The following DUSP9 variants were observed in gnomAD, a reference collection of about 807,000 sequenced individuals.
DUSP9 encodes dual specificity phosphatase 9, also known as dual specificity protein phosphatase 9.
DUSP9 carries 4 observed loss-of-function variants against 13.2 expected under a neutral mutation model. The ratio of observed to expected loss-of-function variants is 0.30; its 90% CI spans 0.15 to 0.69. The LOEUF (loss-of-function observed/expected upper bound fraction) is 0.69. DUSP9 is among the 30% of genes least tolerant of loss of function. DUSP9 has a pLI of 0.73. For synonymous variants in DUSP9, 166 were observed against 172.3 expected (o/e 0.96, Z 0.29); for missense variants, 263 against 355.0 (o/e 0.74, Z 2.08).
rs782675817 is a variant in DUSP9 at position 153,650,093 on chromosome X, G to A, written c.943G>A (p.Asp315Asn). ...LMQKLHLSLNDAYDLVKRKKS... is the reference protein window; with the variant it reads ...LMQKLHLSLNNAYDLVKRKKS... The stretch of plus-strand genomic sequence containing the variant: ...GCAGAAGCTCCACCTCTCTCTCAAC[G>A]ATGCCTATGACCTGGTCAAGAGGAA... The change falls in exon 4 of 4, where the codon GAT becomes AAT. Residue 315 changes from aspartate (D) to asparagine (N), a missense_variant. Transcript: ENST00000342782. The A allele has an allele frequency of 9.9e-6, 12 of 1,210,167 alleles. No individual in the cohort carries two copies. Among genetic ancestry groups the A allele is most frequent in the South Asian group, 1.8e-5 (1 of 56,880 alleles).
Position 153,650,183 on chromosome X carries a change from C to T in DUSP9, c.1033C>T (p.Arg345Trp), listed in dbSNP as rs1557036295. The change falls in exon 4 of 4, where the codon CGG becomes TGG. Residue 345 changes from arginine to tryptophan, a missense_variant. Arg to Trp is a moderately radical substitution (Grantham distance 101, BLOSUM62 -3). Transcript: ENST00000342782. The stretch of plus-strand genomic sequence containing the variant: ...GTTGCTGGACTTTGAGCGCAGCTTG[C>T]GGCTGGAGGAGCGCCACTCGCAGGA... ...GQLLDFERSL[R>W]LEERHSQEQG... The T allele has an allele frequency of 8.2e-7, 1 of 1,212,253 alleles. No individual in the cohort carries two copies.
rs782558274 is a variant in DUSP9, at chrX:153,649,424, C to T, written c.566C>T (p.Ser189Leu). ...DRDSMSCGLDSEGATPPPVGL... is the reference protein window; with the variant it reads ...DRDSMSCGLDLEGATPPPVGL... ...GACTCCATGAGCTGTGGCCTGGATT[C>T]GGAGGGTGCCACACCCCCACCAGTG... The change falls in exon 3 of 4, where the codon TCG becomes TTG. Residue 189 changes from serine (S) to leucine (L), a missense_variant. Transcript: ENST00000342782. 3.8e-5 allele frequency: 46 copies of T among 1,210,092 alleles called. No individual in the cohort carries two copies. Among genetic ancestry groups the T allele is most frequent in the Middle Eastern group, 4.6e-4 (2 of 4,373 alleles).
upstream of DUSP9, among the ~76,000 whole-genome samples, chrX:153,645,223 G>A (rs1254527521): frequency 1.8e-5 from 2 of 113,110 alleles, no homozygotes; most frequent in Admixed American, 9.2e-5. Context: ...TACTGGCTCC[G>A]AGTTGGGAAG....
Position 153,650,375 on chromosome X carries a change from A to G in DUSP9, c.*70A>G. The G allele has an allele frequency of 2.3e-6, 2 of 853,381 alleles. No individual in the cohort carries two copies. The highest frequency in any genetic ancestry group is 3.2e-6 in the Non-Finnish European group (2 of 616,523). The allele number at this position is 853,381 out of a possible 1,213,427, so 70.3% of individuals were successfully genotyped here. On this transcript the variant is annotated 3_prime_UTR_variant, in exon 4 of 4. Coordinates refer to ENST00000342782, the MANE Select transcript of DUSP9 (RefSeq NM_001318503.2). Reference sequence around the variant, plus strand: ...GGGTGTCCCTGCCCACTCGTGTGGCAAGGGAGGGGAGGGCAGGAGGGCTCG... The same window carrying G: ...GGGTGTCCCTGCCCACTCGTGTGGCGAGGGAGGGGAGGGCAGGAGGGCTCG...
rs1450699546 is a variant in DUSP9 at position 153,647,225 on chromosome X, G to A, written c.-236G>A. On this transcript the variant is annotated 5_prime_UTR_variant, in exon 1 of 4. Coordinates refer to ENST00000342782, the MANE Select transcript of DUSP9 (RefSeq NM_001318503.2). Reference sequence around the variant, plus strand: ...TCCAAGGTGGAAGCTGGGTCCGGCTGCCAGGAAGCGGCCGGTGCGCGGGCT... The same window carrying A: ...TCCAAGGTGGAAGCTGGGTCCGGCTACCAGGAAGCGGCCGGTGCGCGGGCT... The A allele has an allele frequency of 8.9e-6, 1 of 112,304 alleles. No homozygotes were observed. The highest frequency in any genetic ancestry group is 1.9e-5 in the Non-Finnish European group (1 of 52,938). The allele number at this position is 112,304 out of a possible 1,213,427, so 9.3% of individuals were successfully genotyped here. A position where few individuals can be genotyped will look rare whatever the true frequency, so the allele number is the denominator to read the frequency against.
At position 153,648,293 on chromosome X, in the gene DUSP9, C is replaced by A. The variant is rs1557035873; in HGVS notation, c.340C>A (p.Arg114=). The change falls in exon 2 of 4, where the codon CGA becomes AGA. Residue 114 remains arginine (R), a synonymous_variant. Transcript: ENST00000342782. ...SVLGTLLQKL[R]EEGYLAYYLQ... ...GCTGGGCACCCTGCTGCAGAAGCTG[C>A]GAGAGGAAGGCTACCTGGCCTACTA... The A allele has an allele frequency of 8.8e-7, 1 of 1,135,638 alleles. No homozygotes were observed. Among genetic ancestry groups the A allele is most frequent in the Admixed American group, 2.7e-5 (1 of 37,017 alleles). 93.6% of individuals were successfully genotyped at this position (1,135,638 alleles called of 1,213,427 possible).
chrX:153,649,257 G>A lies in DUSP9; in HGVS notation c.399G>A (p.Glu133=). 8.3e-7 allele frequency: 1 copy of A among 1,210,882 alleles called. No individual in the cohort carries two copies. The highest frequency in any genetic ancestry group is 1.8e-5 in the South Asian group (1 of 57,022). Residue 133 remains glutamate, a synonymous_variant, in exon 3 of 4, where the codon GAG becomes GAA. Transcript: ENST00000342782. The stretch of plus-strand genomic sequence containing the variant: ...GAGGCTTCAGCAGATTCCAGGCCGA[G>A]TGCCCTCACCTGTGTGAGACCAGCC... ...LQGGFSRFQA[E]CPHLCETSLA... is the part of the protein sequence containing the mutation.
At chrX:153,648,820 A>G (rs2091200039) in intron 2 of DUSP9, among the ~76,000 whole-genome samples, 1 of 112,531 alleles carries the variant, frequency 8.9e-6, no homozygotes, top group Admixed American at 9.3e-5. Flanking sequence ...TTCTCCCCCA[A>G]GTTCCCCCAC....
chrX:153,643,907 T>C (rs1211709473), upstream of DUSP9, among the ~76,000 whole-genome samples: 1 of 112,677 alleles, frequency 8.9e-6, no homozygotes, highest in Non-Finnish European at 1.9e-5. Flanking sequence ...CACTGGGGGC[T>C]GGGGCCAGCC....
chrX:153,644,585 G>A (rs1412198651), upstream of DUSP9, among the ~76,000 whole-genome samples: 1 of 112,048 alleles, frequency 8.9e-6, no homozygotes, highest in Admixed American at 9.3e-5. Context: ...CATTTGTCCT[G>A]TTGCTGGCGC....
intron 3 of DUSP9, 60 bp downstream of exon 3, chrX:153,649,747 C>G (rs1205490400): frequency 2.0e-6 from 2 of 1,015,481 alleles, no homozygotes; most frequent in Non-Finnish European, 1.3e-6. Flanking sequence ...CTGGCCTCCC[C>G]CTTGTGAGTA....
At chrX:153,645,914 T>C (rs782447853), upstream of DUSP9, among the ~76,000 whole-genome samples, 1 of 112,518 alleles carries the variant, frequency 8.9e-6, no homozygotes, top group East Asian at 2.8e-4. Context: ...TCGTTGGTCA[T>C]TGTTACTTGT....
chrX:153,649,770 C>A, intron 3 of DUSP9, 83 bp downstream of exon 3: 4 of 966,344 alleles, frequency 4.1e-6, no homozygotes, highest in Non-Finnish European at 4.2e-6. Context: ...CCTCCCAAGC[C>A]CCGCTGCCAT....
chrX:153,644,256 G>A (rs1253411359), upstream of DUSP9, among the ~76,000 whole-genome samples: 1 of 96,970 alleles, frequency 1.0e-5, no homozygotes, highest in Non-Finnish European at 2.1e-5. Flanking sequence ...GCGCTGGCCC[G>A]GCCCGGCGGA....
In DUSP9 at chrX:153,650,149, C is replaced by T; in HGVS notation, c.999C>T (p.Phe333=). 1 of 1,212,499 alleles carries T rather than the reference C, an allele frequency of 8.2e-7. No individual in the cohort carries two copies. The highest frequency in any genetic ancestry group is 1.1e-6 in the Non-Finnish European group (1 of 895,673). The change falls in exon 4 of 4, where the codon TTC becomes TTT. Residue 333 remains phenylalanine (F), a synonymous_variant. Transcript: ENST00000342782. Reference sequence around the variant, plus strand: ...CTAACATCTCCCCCAACTTCAACTTCATGGGGCAGTTGCTGGACTTTGAGC... The same window carrying T: ...CTAACATCTCCCCCAACTTCAACTTTATGGGGCAGTTGCTGGACTTTGAGC... The part of the protein sequence containing the change: ...KKSNISPNFN[F]MGQLLDFERS...
chrX:153,644,087 G>C (rs182705801), upstream of DUSP9, among the ~76,000 whole-genome samples: 1 of 111,750 alleles, frequency 8.9e-6, no homozygotes, highest in Middle Eastern at 4.6e-3. Flanking sequence ...CATGTGACCC[G>C]GCCGCGACAG....
Position 153,649,380 on chromosome X carries a change from G to A in DUSP9, c.522G>A (p.Ala174=), listed in dbSNP as rs151054957. The A allele has an allele frequency of 2.5e-3, 3,003 of 1,209,709 alleles. 52 individuals carry two copies. The African/African-American group carries it at 0.045, about 18-fold the overall frequency. Reference sequence around the variant, plus strand: ...GCCTGGGCTCCGACTGCTCTGATGCGGAATCCGAGGCTGACCGCGACTCCA... The same window carrying A: ...GCCTGGGCTCCGACTGCTCTGATGCAGAATCCGAGGCTGACCGCGACTCCA... ...SLCLGSDCSD[A]ESEADRDSMS... Residue 174 remains alanine (A), a synonymous_variant, in exon 3 of 4, where the codon GCG becomes GCA. Transcript: ENST00000342782.
At chrX:153,645,027 C>T (rs1450330068), upstream of DUSP9, among the ~76,000 whole-genome samples, 1 of 113,023 alleles carries the variant, frequency 8.8e-6, no homozygotes, top group Non-Finnish European at 1.9e-5. Flanking sequence ...TCAACCCCTG[C>T]CCACTCTGAG....
rs782705707 is a variant in DUSP9 at position 153,650,006 on chromosome X, G to T, written c.856G>T (p.Val286Leu). 6.6e-6 allele frequency: 8 copies of T among 1,210,434 alleles called. No individual in the cohort carries two copies. In the South Asian group the frequency reaches 7.0e-5, roughly 11 times the overall value. The change falls in exon 4 of 4, where the codon GTG becomes TTG. Residue 286 changes from valine (V) to leucine (L), a missense_variant. Coordinates refer to ENST00000342782, the MANE Select transcript of DUSP9 (RefSeq NM_001318503.2). The part of the protein sequence containing the change: ...IDEALSQNCG[V>L]LVHCLAGVSR... ...TGAGGCCTTGTCCCAGAACTGCGGG[G>T]TGCTCGTCCACTGCTTGGCGGGGGT... is the stretch of plus-strand genomic sequence containing the variant.
Sources: allele counts gnomAD v4.1 joint callset (sites outside exome capture counted in the v4.1 genomes callset), GRCh38; gene constraint gnomAD v4.1.1; transcripts MANE v1.5; gene names NCBI Gene and HGNC (gene_info 2026-07-23, HGNC 2026-07-21).